The following CACNA1D variants were observed in gnomAD, a reference collection of about 807,000 sequenced individuals.
CACNA1D encodes the protein voltage-dependent L-type calcium channel subunit alpha-1D.
CACNA1D carries 55 observed loss-of-function variants against 257.1 expected under a neutral mutation model. The observed-to-expected ratio is 0.21, with a 90% CI of 0.17 to 0.27. The LOEUF is 0.27. Ranked by LOEUF, CACNA1D falls within the 10% of genes least tolerant of loss-of-function variation. CACNA1D has a pLI of 1.00. For synonymous variants in CACNA1D, 980 were observed against 1,014.9 expected, an observed-to-expected ratio of 0.97 and a Z score of 0.65; for missense variants, 1,876 against 2,784.0, an observed-to-expected ratio of 0.67 and a Z score of 7.34.
Position 53,521,791 on chromosome 3 carries a change from TA to T in CACNA1D, c.483+20074del, listed in dbSNP as rs570058352. Among the ~76,000 whole-genome samples, 1,105 of 152,208 alleles carry T rather than the reference TA, an allele frequency of 7.3e-3. 9 individuals carry two copies. Among genetic ancestry groups the T allele is most frequent in the African/African-American group, 0.025 (1,039 of 41,516 alleles). ...CTGGCCACATGTCATTATAAGAACT[TA>T]AACTAATTAAAATTAAATGAAATTT... On this transcript the variant is annotated intron_variant, in intron 3 of 47. Transcript: ENST00000350061.
chr3:53,732,668 T>C, intron 18 of CACNA1D, 147 bp from the exon 19 acceptor site: 1 of 785,324 alleles, frequency 1.3e-6, no homozygotes, highest in Non-Finnish European at 2.2e-6. Flanking sequence ...ACTCAGTCCA[T>C]GTTCTGAAGG....
At chr3:53,728,089 G>A (rs929769944) in intron 15 of CACNA1D, among the ~76,000 whole-genome samples, 9 of 151,642 alleles carry the variant, frequency 5.9e-5, no homozygotes, top group Admixed American at 2.6e-4. Context: ...TTTTATCCAC[G>A]TCTCTTACTG....
rs990640350 is a variant in CACNA1D, at chr3:53,494,740, C to CG, written c.-424dup. Reference sequence around the variant, plus strand: ...CGGCGCGGGCGGCGGCGGCGGGCACCGGGCACCGCGGCGGGCGGGCAGACG... The same window carrying CG: ...CGGCGCGGGCGGCGGCGGCGGGCACCGGGGCACCGCGGCGGGCGGGCAGACG... On this transcript the variant is annotated 5_prime_UTR_variant, in exon 1 of 48. Transcript: ENST00000350061. The CG allele has an allele frequency of 2.1e-5, 3 of 145,670 alleles. No individual in the cohort carries two copies. The highest frequency in any genetic ancestry group is 7.4e-5 in the African/African-American group (3 of 40,378). The allele number at this position is 145,670 out of a possible 1,614,324, so 9.0% of individuals were successfully genotyped here.
At chr3:53,700,672 G>A (rs193286160) in intron 8 of CACNA1D, among the ~76,000 whole-genome samples, 6 of 152,208 alleles carry the variant, frequency 3.9e-5, no homozygotes. Context: ...CAGAGCACGT[G>A]TCTGGGCTCA....
At chr3:53,620,225 A>G (rs531206968) in intron 3 of CACNA1D, among the ~76,000 whole-genome samples, 1 of 152,126 alleles carries the variant, frequency 6.6e-6, no homozygotes, top group East Asian at 1.9e-4. Flanking sequence ...GAGGTGTGGG[A>G]GTGGCCATTT....
At chr3:53,546,785 A>G (rs2107555474) in intron 3 of CACNA1D, among the ~76,000 whole-genome samples, 1 of 152,312 alleles carries the variant, frequency 6.6e-6, no homozygotes, top group East Asian at 1.9e-4. Flanking sequence ...CCTGCGTCCT[A>G]GCAGTGGGCA....
chr3:53,573,284 G>T (rs1243804070), intron 3 of CACNA1D, among the ~76,000 whole-genome samples: 1 of 152,196 alleles, frequency 6.6e-6, no homozygotes, highest in African/African-American at 2.4e-5. Flanking sequence ...CCCCGTAGGA[G>T]CGTCCTTTTA....
At chr3:53,809,954 C>T in intron 46 of CACNA1D, 24 bp from the exon 47 acceptor site, 1 of 1,611,808 alleles carries the variant, frequency 6.2e-7, no homozygotes, top group Non-Finnish European at 8.5e-7. Flanking sequence ...CCTCTGGTCT[C>T]CCAACAGTCC....
chr3:53,532,835 CT>C (rs142136119), intron 3 of CACNA1D, among the ~76,000 whole-genome samples: 1 of 152,188 alleles, frequency 6.6e-6, no homozygotes, highest in South Asian at 2.1e-4. Context: ...CCCCGCTCTC[CT>C]TTTATCCAGC....
intron 3 of CACNA1D, among the ~76,000 whole-genome samples, chr3:53,621,165 G>C (rs1032953418): frequency 1.3e-5 from 2 of 152,154 alleles, no homozygotes; most frequent in African/African-American, 2.4e-5. Context: ...CTAAGCCAGA[G>C]CTGTGAATTC....
chr3:53,775,673 C>T (rs768699328), intron 34 of CACNA1D, among the ~76,000 whole-genome samples: 1 of 152,044 alleles, frequency 6.6e-6, no homozygotes, highest in Non-Finnish European at 1.5e-5. Context: ...CAGATGATGG[C>T]TGTAAATCCA....
At chr3:53,693,246 G>A (rs1381369180) in intron 8 of CACNA1D, among the ~76,000 whole-genome samples, 1 of 152,110 alleles carries the variant, frequency 6.6e-6, no homozygotes, top group African/African-American at 2.4e-5. Context: ...TACCTGCAAA[G>A]GAGCAGGTCT....
intron 8 of CACNA1D, among the ~76,000 whole-genome samples, chr3:53,678,469 C>T (rs925239628): frequency 1.3e-5 from 2 of 152,174 alleles, no homozygotes; most frequent in Admixed American, 6.5e-5. Context: ...TCACAGGTAT[C>T]ATTTTAAATC....
At position 53,495,274 on chromosome 3, in the gene CACNA1D, C is replaced by A; in HGVS notation, c.67+41C>A. The A allele has an allele frequency of 6.2e-7, 1 of 1,612,200 alleles. No homozygotes were observed. Among genetic ancestry groups the A allele is most frequent in the South Asian group, 1.1e-5 (1 of 91,004 alleles). On this transcript the variant is annotated intron_variant, in intron 1 of 47. Coordinates refer to ENST00000350061, the MANE Select transcript of CACNA1D (RefSeq NM_001128840.3). This position sits in a 1 kb window ranked among gnomAD's most constrained non-coding sequence, Gnocchi z 5.1. ...CCGGGCACCCGCTGCCAAATCCGAT[C>A]CTGTCATGGTCCTCCAGCCCCCTCC...
At position 53,735,358 on chromosome 3, in the gene CACNA1D, C is replaced by T. The variant is rs764733646; in HGVS notation, c.2622-16C>T. 12 of 1,613,220 alleles carry T rather than the reference C, an allele frequency of 7.4e-6. No homozygotes were observed. The highest frequency in any genetic ancestry group is 2.7e-5 in the African/African-American group (2 of 75,044). The stretch of plus-strand genomic sequence containing the variant: ...CCTATCTGGGACTGTTTCCAAGCAG[C>T]GGCTTTTCCCTGCAGGATCCGCGTA... On this transcript the variant is annotated splice_polypyrimidine_tract_variant and intron_variant, in intron 19 of 47. Coordinates refer to ENST00000350061, the MANE Select transcript of CACNA1D (RefSeq NM_001128840.3).
intron 33 of CACNA1D, 32 bp downstream of exon 33, chr3:53,772,930 C>T (rs2095374483): frequency 6.3e-7 from 1 of 1,577,854 alleles, no homozygotes; most frequent in African/African-American, 1.3e-5. Flanking sequence ...CTCAGGGGCC[C>T]TTTCACTGGG....
At chr3:53,739,788 G>A (rs1199630949) in intron 20 of CACNA1D, among the ~76,000 whole-genome samples, 2 of 152,190 alleles carry the variant, frequency 1.3e-5, no homozygotes, top group South Asian at 4.1e-4. Context: ...GCTGGAATGC[G>A]AGGGGGCATA....
At chr3:53,682,386 A>AAAAC (rs2094439980) in intron 8 of CACNA1D, among the ~76,000 whole-genome samples, 1 of 147,226 alleles carries the variant, frequency 6.8e-6, no homozygotes, top group Admixed American at 6.8e-5. Context: ...AAAAAAAAAA[A>AAAAC]AAAAAAAAAA....
chr3:53,605,093 A>G (rs1483622582), intron 3 of CACNA1D, among the ~76,000 whole-genome samples: 1 of 152,238 alleles, frequency 6.6e-6, no homozygotes, highest in Non-Finnish European at 1.5e-5. Context: ...TAAAAGCACA[A>G]TAAATTCAAT....
Sources: allele counts gnomAD v4.1 joint callset (sites outside exome capture counted in the v4.1 genomes callset), GRCh38; gene constraint gnomAD v4.1.1; non-coding constraint Gnocchi (gnomAD v3.1); transcripts MANE v1.5; gene names NCBI Gene and HGNC (gene_info 2026-07-23, HGNC 2026-07-21).